Variants in GALNT13 observed in about 807,000 individuals in gnomAD.
GALNT13 encodes polypeptide N-acetylgalactosaminyltransferase 13, also known as UDP-GalNAc:polypeptide N-acetylgalactosaminyltransferase 13.
Under a neutral mutation model 64.2 loss-of-function variants are expected in GALNT13, and 28 were observed. The ratio of observed to expected loss-of-function variants is 0.44; its 90% CI spans 0.32 to 0.60. GALNT13 has a LOEUF of 0.60. Ranked by LOEUF, GALNT13 falls within the 20% of genes least tolerant of loss-of-function variation. The pLI is 0.05. For missense variants in GALNT13, 577 were observed against 669.8 expected, an observed-to-expected ratio of 0.86 and a Z score of 1.53; for synonymous variants, 214 against 224.6, an observed-to-expected ratio of 0.95 and a Z score of 0.42.
At chr2:153,740,910 G>A in the GALNT13 span, among the ~76,000 whole-genome samples, 78 of 152,078 alleles carry the variant, frequency 5.1e-4, no homozygotes, top group South Asian at 1.2e-3. Flanking sequence ...TTTACTTTCC[G>A]GCTCTCCTCT....
chr2:153,237,143 T>G, the GALNT13 span, among the ~76,000 whole-genome samples: 1 of 152,080 alleles, frequency 6.6e-6, no homozygotes, highest in Admixed American at 6.6e-5. Flanking sequence ...ATGGTTAAAC[T>G]CGAACTGATG....
the GALNT13 span, among the ~76,000 whole-genome samples, chr2:153,577,998 T>C: frequency 6.6e-6 from 1 of 151,846 alleles, no homozygotes; most frequent in Non-Finnish European, 1.5e-5. Context: ...TATCCATGTA[T>C]ATATTTAATT....
At chr2:153,364,588 A>G in the GALNT13 span, among the ~76,000 whole-genome samples, 1 of 152,172 alleles carries the variant, frequency 6.6e-6, no homozygotes, top group East Asian at 1.9e-4. Context: ...TTCTACGCCA[A>G]CAATAGACAA....
At chr2:154,353,106 G>A (rs1696504038) in intron 9 of GALNT13, among the ~76,000 whole-genome samples, 1 of 152,070 alleles carries the variant, frequency 6.6e-6, no homozygotes, top group Non-Finnish European at 1.5e-5. Flanking sequence ...TTATTGTTGT[G>A]CAGCTTTTGT....
chr2:153,822,467 T>C, the GALNT13 span, among the ~76,000 whole-genome samples: 3 of 151,948 alleles, frequency 2.0e-5, no homozygotes, highest in African/African-American at 7.3e-5. Flanking sequence ...ATAAACAGAA[T>C]TAAAAATAAA....
the GALNT13 span, among the ~76,000 whole-genome samples, chr2:153,483,415 T>A: frequency 2.8e-5 from 4 of 143,836 alleles, no homozygotes; most frequent in East Asian, 7.9e-4. Flanking sequence ...AAATTCTTTT[T>A]TTTTTTTTTT....
At chr2:153,228,635 G>T in the GALNT13 span, among the ~76,000 whole-genome samples, 1 of 152,082 alleles carries the variant, frequency 6.6e-6, no homozygotes, top group Non-Finnish European at 1.5e-5. Context: ...AGCACTTTGG[G>T]AGGCCGAGGC....
chr2:153,774,518 G>A, the GALNT13 span, among the ~76,000 whole-genome samples: 1 of 152,112 alleles, frequency 6.6e-6, no homozygotes, highest in Non-Finnish European at 1.5e-5. Context: ...TATATGGGTA[G>A]GAAATCTATA....
At chr2:154,281,092 A>G (rs1691938525) in intron 8 of GALNT13, among the ~76,000 whole-genome samples, 1 of 152,228 alleles carries the variant, frequency 6.6e-6, no homozygotes, top group South Asian at 2.1e-4. Context: ...TTATTAAAAG[A>G]TGAAAAAGTG....
At chr2:154,406,477 C>A (rs1699547737) in intron 10 of GALNT13, among the ~76,000 whole-genome samples, 1 of 152,152 alleles carries the variant, frequency 6.6e-6, no homozygotes, top group Non-Finnish European at 1.5e-5. Flanking sequence ...AGTGGTGGTA[C>A]AAGGCTAGTC....
intron 3 of GALNT13, among the ~76,000 whole-genome samples, chr2:154,109,050 A>G (rs1702785241): frequency 6.6e-6 from 1 of 152,084 alleles, no homozygotes; most frequent in African/African-American, 2.4e-5. Flanking sequence ...TATGTAAATT[A>G]GGCTTAATTG....
chr2:154,103,162 C>T (rs182332605), intron 3 of GALNT13, among the ~76,000 whole-genome samples: 1 of 151,976 alleles, frequency 6.6e-6, no homozygotes, highest in Non-Finnish European at 1.5e-5. Context: ...TTTGATCACA[C>T]TACATAATCC....
the GALNT13 span, among the ~76,000 whole-genome samples, chr2:153,700,893 A>G: frequency 1.3e-5 from 2 of 152,242 alleles, no homozygotes; most frequent in Admixed American, 6.5e-5. Context: ...GGAAGAATCA[A>G]TATTGTGAAA....
At chr2:154,289,511 A>G (rs1692477685) in intron 8 of GALNT13, among the ~76,000 whole-genome samples, 2 of 152,076 alleles carry the variant, frequency 1.3e-5, no homozygotes, top group South Asian at 2.1e-4. Flanking sequence ...TGTGTAGGGG[A>G]ACTCCCCTTT....
the GALNT13 span, among the ~76,000 whole-genome samples, chr2:153,410,312 T>C: frequency 6.6e-6 from 1 of 152,060 alleles, no homozygotes; most frequent in Non-Finnish European, 1.5e-5. Flanking sequence ...CCCAGACTTA[T>C]CTAGAACTCC....
chr2:153,823,883 T>C, the GALNT13 span, among the ~76,000 whole-genome samples: 2 of 152,194 alleles, frequency 1.3e-5, no homozygotes, highest in South Asian at 2.1e-4. Flanking sequence ...CAAGTTTTAA[T>C]ATCTTGAATC....
At chr2:153,694,025 G>A in the GALNT13 span, among the ~76,000 whole-genome samples, 47 of 152,136 alleles carry the variant, frequency 3.1e-4, no homozygotes, top group Middle Eastern at 6.8e-3. Context: ...GGAGAATGGC[G>A]TGAACCCGGG....
At chr2:153,650,545 G>A in the GALNT13 span, among the ~76,000 whole-genome samples, 1 of 152,166 alleles carries the variant, frequency 6.6e-6, no homozygotes, top group Admixed American at 6.6e-5. Context: ...AGTTGATGCA[G>A]TTTCTTCCTA....
chr2:153,410,457 G>A, the GALNT13 span, among the ~76,000 whole-genome samples: 1 of 152,116 alleles, frequency 6.6e-6, no homozygotes, highest in Non-Finnish European at 1.5e-5. Flanking sequence ...GTACAAGAGA[G>A]AGCTTTCAAC....
Sources: gnomAD v4.1 joint callset for allele counts (sites outside exome capture counted in the v4.1 genomes callset) on GRCh38, gnomAD v4.1.1 for gene constraint, MANE v1.5 for transcripts, NCBI Gene and HGNC (gene_info 2026-07-23, HGNC 2026-07-21) for gene names.